Variants in SLIT3 observed in about 807,000 individuals in gnomAD.
The protein encoded by SLIT3 is slit guidance ligand 3.
Under a neutral mutation model 184.0 loss-of-function variants are expected in SLIT3, and 68 were observed. That is an observed-to-expected ratio of 0.37 (90% confidence interval 0.30 to 0.45). The LOEUF (loss-of-function observed/expected upper bound fraction) is 0.45, where lower values mean the gene tolerates loss of function less well. Among genes scored for constraint, SLIT3 ranks in the 20% least tolerant of loss-of-function variants. The pLI, the probability that SLIT3 is intolerant of heterozygous loss-of-function variation, is 1.00. For missense variants in SLIT3, 1,707 were observed against 2,026.0 expected, an observed-to-expected ratio of 0.84 and a Z score of 3.02; for synonymous variants, 831 against 828.6, an observed-to-expected ratio of 1.00 and a Z score of -0.05.
intron 3 of SLIT3, among the ~76,000 whole-genome samples, chr5:169,201,472 T>C (rs897106050): frequency 6.6e-6 from 1 of 152,204 alleles, no homozygotes; most frequent in African/African-American, 2.4e-5. Context: ...GCAATGTTTC[T>C]CAAGGGCTCA....
intron 4 of SLIT3, among the ~76,000 whole-genome samples, chr5:168,896,924 G>C (rs1287473082): frequency 6.6e-6 from 1 of 152,218 alleles, no homozygotes; most frequent in Non-Finnish European, 1.5e-5. Flanking sequence ...CCTTTCAAAG[G>C]AGGCTGGGGT....
chr5:168,731,324 A>G lies in SLIT3; in HGVS notation c.2271-6840T>C, dbSNP rs74819443. Among the ~76,000 whole-genome samples, 9 of 152,066 alleles carry G rather than the reference A, an allele frequency of 5.9e-5. No individual in the cohort carries two copies. The East Asian group carries it at 1.5e-3, about 26-fold the overall frequency. The stretch of plus-strand genomic sequence containing the variant: ...ATCCCCCCCTAAACTGCCACCAAAA[A>G]GCCCAGGACCATAAATCCAAAGATG... On this transcript the variant is annotated intron_variant, in intron 20 of 35. Coordinates refer to ENST00000519560, the MANE Select transcript of SLIT3 (RefSeq NM_003062.4).
intron 6 of SLIT3, among the ~76,000 whole-genome samples, chr5:168,838,652 C>T (rs113172452): frequency 6.6e-6 from 1 of 152,136 alleles, no homozygotes; most frequent in African/African-American, 2.4e-5. Context: ...CACCCTGTAC[C>T]AGGACACCAA....
chr5:169,191,447 A>G (rs1384484720), intron 4 of SLIT3, among the ~76,000 whole-genome samples: 2 of 152,132 alleles, frequency 1.3e-5, no homozygotes, highest in Admixed American at 1.3e-4. Flanking sequence ...TCCCAGAGAA[A>G]GGAGATCAGA....
intron 4 of SLIT3, among the ~76,000 whole-genome samples, chr5:169,057,646 G>A (rs954762753): frequency 2.0e-5 from 3 of 152,186 alleles, no homozygotes; most frequent in Non-Finnish European, 2.9e-5. Context: ...GGCACTGGCC[G>A]AATGTGGAAG....
chr5:168,693,671 G>A (rs914079257), intron 28 of SLIT3, among the ~76,000 whole-genome samples: 1 of 152,156 alleles, frequency 6.6e-6, no homozygotes, highest in South Asian at 2.1e-4. Context: ...TGGGAGCAGG[G>A]CGGGGAAAGC....
At chr5:168,937,968 T>C (rs2113194449) in intron 4 of SLIT3, among the ~76,000 whole-genome samples, 1 of 152,242 alleles carries the variant, frequency 6.6e-6, no homozygotes, top group Non-Finnish European at 1.5e-5. Context: ...ACTTCCAGAA[T>C]GCAAGTATAC....
At chr5:168,674,356 A>G (rs73320597) in intron 32 of SLIT3, among the ~76,000 whole-genome samples, 18,480 of 152,092 alleles carry the variant, frequency 0.12, 2,307 homozygotes, top group East Asian at 0.33. Flanking sequence ...CTTTTTGAGT[A>G]CCCACATGAT....
At chr5:169,298,624 C>T (rs554690941) in intron 1 of SLIT3, among the ~76,000 whole-genome samples, 2 of 152,202 alleles carry the variant, frequency 1.3e-5, no homozygotes, top group Non-Finnish European at 2.9e-5. Context: ...GATCCAAGCC[C>T]AGCCAGAACC....
intron 4 of SLIT3, among the ~76,000 whole-genome samples, chr5:169,181,610 G>A (rs981374864): frequency 2.3e-4 from 35 of 151,842 alleles, no homozygotes; most frequent in African/African-American, 4.6e-4. Context: ...GTGTGGTGGC[G>A]CGTACCTGTA....
chr5:168,710,190 C>G (rs1453368060), intron 25 of SLIT3: 2 of 152,108 alleles, frequency 1.3e-5, no homozygotes, highest in African/African-American at 2.4e-5. Context: ...TCAGATGGAC[C>G]TGGAAGCCTG....
intron 5 of SLIT3, among the ~76,000 whole-genome samples, chr5:168,879,126 A>G (rs935219614): frequency 2.6e-5 from 4 of 152,242 alleles, no homozygotes; most frequent in African/African-American, 9.6e-5. Flanking sequence ...CGTGTAGTAA[A>G]GCGTATGGTG....
intron 4 of SLIT3, among the ~76,000 whole-genome samples, chr5:168,911,817 G>C (rs747067642): frequency 2.6e-5 from 4 of 152,216 alleles, no homozygotes; most frequent in Non-Finnish European, 4.4e-5. Context: ...AATTATCTTA[G>C]AGAGTCTTAG....
intron 4 of SLIT3, among the ~76,000 whole-genome samples, chr5:169,053,038 A>G (rs1757869763): frequency 6.6e-6 from 1 of 152,244 alleles, no homozygotes; most frequent in Non-Finnish European, 1.5e-5. Context: ...ACATCAGAAC[A>G]AGACCTGGAT....
intron 4 of SLIT3, among the ~76,000 whole-genome samples, chr5:169,077,398 G>A (rs970603857): frequency 6.6e-6 from 1 of 151,954 alleles, no homozygotes; most frequent in Non-Finnish European, 1.5e-5. Flanking sequence ...AATTAGCCTG[G>A]TGCAGTGGCT....
intron 5 of SLIT3, among the ~76,000 whole-genome samples, chr5:168,865,173 C>CAAAAAAAAAA (rs70979103): frequency 1.8e-5 from 1 of 56,300 alleles, no homozygotes; most frequent in East Asian, 5.4e-4. Context: ...AACTCCGTCT[C>CAAAAAAAAAA]AAAAAAAAAA....
intron 4 of SLIT3, among the ~76,000 whole-genome samples, chr5:168,943,494 G>A (rs946594538): frequency 6.6e-6 from 1 of 152,182 alleles, no homozygotes; most frequent in African/African-American, 2.4e-5. Context: ...CAGCAAATCT[G>A]AGTAGTAATC....
In SLIT3 at chr5:168,746,778, TGTGTGAGTGTGGTG is replaced by T. The variant is rs1272663289; in HGVS notation, c.2270+1510_2270+1523del. Among the ~76,000 whole-genome samples the T allele has an allele frequency of 3.3e-4, 22 of 66,692 alleles. 1 individual carries two copies. The highest frequency in any genetic ancestry group is 9.6e-4 in the African/African-American group (17 of 17,696). The allele number at this position is 66,692 out of a possible 152,430, so 43.8% of individuals were successfully genotyped here. On this transcript the variant is annotated intron_variant, in intron 20 of 35. Transcript: ENST00000519560. ...TGTGGCGGTGTGTGGTGGTGTGTGG[TGTGTGAGTGTGGTG>T]GTGTGGGTGTGGCGGTGTGTGGTGT...
intron 4 of SLIT3, among the ~76,000 whole-genome samples, chr5:169,189,381 C>T (rs112236357): frequency 6.6e-6 from 1 of 151,832 alleles, no homozygotes; most frequent in Non-Finnish European, 1.5e-5. Flanking sequence ...AGTTCCATTG[C>T]ATCCTAGTTA....
Sources: allele counts gnomAD v4.1 joint callset (sites outside exome capture counted in the v4.1 genomes callset), GRCh38; gene constraint gnomAD v4.1.1; transcripts MANE v1.5; gene names NCBI Gene and HGNC (gene_info 2026-07-23, HGNC 2026-07-21).